The following MMGT1 variants were observed in gnomAD, a reference collection of about 807,000 sequenced individuals.
The protein encoded by MMGT1 is ER membrane protein complex subunit 5.
A neutral mutation model predicts 11.7 loss-of-function variants in MMGT1; 2 were observed. The observed-to-expected ratio is 0.17, with a 90% CI of 0.07 to 0.54. The LOEUF (loss-of-function observed/expected upper bound fraction) is 0.54. Ranked by LOEUF, MMGT1 falls within the 20% of genes least tolerant of loss-of-function variation. The probability of loss-of-function intolerance (pLI) is 0.94; values close to 1 mark genes in which losing one functional copy is unlikely to be tolerated. For synonymous variants in MMGT1, 49 were observed against 44.4 expected, an observed-to-expected ratio of 1.10 and a Z score of -0.41; for missense variants, 74 against 109.0, an observed-to-expected ratio of 0.68 and a Z score of 1.43.
chrX:135,966,263 C>T (rs1055992492), intron 3 of MMGT1, among the ~76,000 whole-genome samples: 2 of 111,904 alleles, frequency 1.8e-5, no homozygotes, highest in Non-Finnish European at 3.8e-5. Flanking sequence ...AAGCATACTC[C>T]CATACAAAAA....
rs201330702 is a variant in MMGT1, at chrX:135,971,136, G to A, written c.80-26C>T. 5 of 1,051,074 alleles carry A rather than the reference G, an allele frequency of 4.8e-6. No homozygotes were observed. The East Asian group carries it at 1.2e-4, about 26-fold the overall frequency. 86.6% of individuals were successfully genotyped at this position (1,051,074 alleles called of 1,213,427 possible). A position where few individuals can be genotyped will look rare whatever the true frequency, so the allele number is the denominator to read the frequency against. ...CTATAAACCAGAAGCATACCATTAA[G>A]GAAACTGTAGTTCATTTTTCTTTCT... On this transcript the variant is annotated intron_variant, in intron 1 of 3. Coordinates refer to ENST00000305963, the MANE Select transcript of MMGT1 (RefSeq NM_173470.3).
chrX:135,965,505 G>A (rs782100702), intron 3 of MMGT1, among the ~76,000 whole-genome samples: 77 of 111,412 alleles, frequency 6.9e-4, no homozygotes, highest in African/African-American at 2.4e-3. Context: ...GGACTCAAGC[G>A]ACCCTCTCAT....
chrX:135,970,995 T>A, intron 2 of MMGT1, 63 bp downstream of exon 2: 2 of 790,695 alleles, frequency 2.5e-6, no homozygotes, highest in Non-Finnish European at 3.7e-6. Flanking sequence ...AAAAAAAAAA[T>A]TATTACAAGC....
rs1370745104 is a variant in MMGT1, at chrX:135,963,963, TAC to T, written c.*1059_*1060del. The stretch of plus-strand genomic sequence containing the variant: ...ATCCTCATCCTCACTTTCAGCAACA[TAC>T]AGTGAAGATGGAAAACTTGAAGACT... On this transcript the variant is annotated 3_prime_UTR_variant, in exon 4 of 4. Transcript: ENST00000305963. 1.8e-5 allele frequency: 2 copies of T among 112,463 alleles called. No homozygotes were observed. The highest frequency in any genetic ancestry group is 3.8e-5 in the Non-Finnish European group (2 of 53,273). The allele number at this position is 112,463 out of a possible 1,213,427, so 9.3% of individuals were successfully genotyped here.
rs2089216360 is a variant in MMGT1, at chrX:135,971,064, T to C, written c.126A>G (p.Pro42=). The change falls in exon 2 of 4, where the codon CCA becomes CCG. Residue 42 remains proline (P), a synonymous_variant. Coordinates refer to ENST00000305963, the MANE Select transcript of MMGT1 (RefSeq NM_173470.3). The part of the protein sequence containing the change: ...RLTEKEDESL[P]IDIVLQTLLA... Reference sequence around the variant, plus strand: ...ATATAAATGACCAACTTACATCTATTGGCAGTGATTCATCTTCTTTTTCTG... The same window carrying C: ...ATATAAATGACCAACTTACATCTATCGGCAGTGATTCATCTTCTTTTTCTG... The C allele has an allele frequency of 8.6e-7, 1 of 1,168,752 alleles. No homozygotes were observed. Among genetic ancestry groups the C allele is most frequent in the Non-Finnish European group, 1.2e-6 (1 of 857,715 alleles).
intron 2 of MMGT1, among the ~76,000 whole-genome samples, chrX:135,968,642 G>A (rs1343404527): frequency 2.8e-5 from 3 of 108,137 alleles, no homozygotes; most frequent in Non-Finnish European, 3.8e-5. Context: ...AGTGATTCTC[G>A]TGCCTCAGCC....
chrX:135,971,162 T>A, intron 1 of MMGT1, 52 bp from the exon 2 acceptor site: 2 of 899,577 alleles, frequency 2.2e-6, no homozygotes, highest in Non-Finnish European at 3.2e-6. Flanking sequence ...TTTTCTTTCT[T>A]AAAATGAAGC....
intron 3 of MMGT1, among the ~76,000 whole-genome samples, chrX:135,966,867 G>A (rs991480905): frequency 8.1e-5 from 9 of 111,700 alleles, no homozygotes; most frequent in African/African-American, 2.9e-4. Context: ...AAAGAAAGCA[G>A]AATAACAAAT....
rs2089178916 is a variant in MMGT1, at chrX:135,965,202, C to G, written c.237-19G>C. On this transcript the variant is annotated intron_variant, in intron 3 of 3. Transcript: ENST00000305963. ...AAATGTCCTTGAAAGAAGAAAAAAG[C>G]ATCAATTTTAGATAAACCTTTATAA... The G allele has an allele frequency of 8.5e-7, 1 of 1,170,171 alleles. No individual in the cohort carries two copies. The highest frequency in any genetic ancestry group is 1.2e-6 in the Non-Finnish European group (1 of 864,100).
intron 1 of MMGT1, 39 bp downstream of exon 1, chrX:135,973,558 G>T (rs1327774240): frequency 4.5e-6 from 5 of 1,102,092 alleles, no homozygotes; most frequent in Non-Finnish European, 6.1e-6. Context: ...CGCCCCTAGG[G>T]TTCCACACCG....
At position 135,965,115 on chromosome X, in the gene MMGT1, C is replaced by T. The variant is rs782403819; in HGVS notation, c.305G>A (p.Arg102Gln). 7.1e-5 allele frequency: 85 copies of T among 1,204,023 alleles called. 2 individuals carry two copies. In the Admixed American group the frequency reaches 1.2e-3, roughly 17 times the overall value. ...VFNHRGRVLF[R>Q]PSDTANSSNQ... Reference sequence around the variant, plus strand: ...TGAAGAATTTGCTGTATCCGAAGGCCGGAAAAGTACTCGACCACGATGATT... The same window carrying T: ...TGAAGAATTTGCTGTATCCGAAGGCTGGAAAAGTACTCGACCACGATGATT... Residue 102 changes from arginine (R) to glutamine (Q), a missense_variant, in exon 4 of 4, where the codon CGG (arginine) becomes CAG (glutamine). Arg to Gln is a conservative substitution (Grantham distance 43, BLOSUM62 1). Around this residue, in one of 2 missense-constraint regions of MMGT1, gnomAD observed 34 missense variants for 29.3 expected, o/e 1.16. Coordinates refer to ENST00000305963, the MANE Select transcript of MMGT1 (RefSeq NM_173470.3).
In MMGT1 at chrX:135,967,418, T is replaced by C. The variant is rs782791839; in HGVS notation, c.208A>G (p.Met70Val). Residue 70 changes from methionine (M) to valine (V), a missense_variant, in exon 3 of 4, where the codon ATG becomes GTG. By Grantham distance (21) the Met-to-Val change is conservative. Coordinates refer to ENST00000305963, the MANE Select transcript of MMGT1 (RefSeq NM_173470.3). ...IVHIAGEFKD[M>V]DATSELKNKT... ...TTTTTCAGTTCTGAAGTGGCATCCA[T>C]GTCTTTAAACTCTCCTGCAATATGA... is the stretch of plus-strand genomic sequence containing the variant. 2.5e-6 allele frequency: 3 copies of C among 1,192,767 alleles called. No individual in the cohort carries two copies. Among genetic ancestry groups the C allele is most frequent in the South Asian group, 3.7e-5 (2 of 54,697 alleles).
At position 135,973,956 on chromosome X, in the gene MMGT1, A is replaced by G; in HGVS notation, c.-281T>C. ...GAGCCCAACGGAGTCATAAACGAAG[A>G]GGCGAAAGCGGGAGCTACGGGGAAG... is the stretch of plus-strand genomic sequence containing the variant. On this transcript the variant is annotated 5_prime_UTR_variant, in exon 1 of 4. Transcript: ENST00000305963. 9.2e-7 allele frequency: 1 copy of G among 1,091,825 alleles called. No individual in the cohort carries two copies. The highest frequency in any genetic ancestry group is 1.2e-6 in the Non-Finnish European group (1 of 827,178). The allele number at this position is 1,091,825 out of a possible 1,213,427, so 90.0% of individuals were successfully genotyped here.
chrX:135,961,463 G>T lies in MMGT1; in HGVS notation c.*3561C>A. ...TTTGGAGAGGAGTATTAGGGTAGGA[G>T]GGAAGGGACCAAGTTTTTATACCTT... On this transcript the variant is annotated 3_prime_UTR_variant, in exon 4 of 4. Coordinates refer to ENST00000305963, the MANE Select transcript of MMGT1 (RefSeq NM_173470.3). 9.0e-6 allele frequency among the ~76,000 whole-genome samples: 1 copy of T among 111,433 alleles called. No individual in the cohort carries two copies. The highest frequency in any genetic ancestry group is 9.6e-5 in the Admixed American group (1 of 10,451).
At chrX:135,971,397 G>A (rs2089218161) in intron 1 of MMGT1, among the ~76,000 whole-genome samples, 1 of 112,346 alleles carries the variant, frequency 8.9e-6, no homozygotes, top group Non-Finnish European at 1.9e-5. Flanking sequence ...AAGGTAGTCA[G>A]CTCTATCTTA....
Position 135,973,815 on chromosome X carries a change from C to G in MMGT1, c.-140G>C, listed in dbSNP as rs1556612911. ...GCAAAGTGTCTCAGTGGTGGAAAAG[C>G]CAGAGGGCTGTGAGAAAACGGAAAC... On this transcript the variant is annotated 5_prime_UTR_variant, in exon 1 of 4. Coordinates refer to ENST00000305963, the MANE Select transcript of MMGT1 (RefSeq NM_173470.3). 1 of 1,163,850 alleles carries G rather than the reference C, an allele frequency of 8.6e-7. No homozygotes were observed. The highest frequency in any genetic ancestry group is 1.1e-6 in the Non-Finnish European group (1 of 871,885).
rs1556612542 is a variant in MMGT1, at chrX:135,970,994, A to G, written c.132+64T>C. On this transcript the variant is annotated intron_variant, in intron 2 of 3. Coordinates refer to ENST00000305963, the MANE Select transcript of MMGT1 (RefSeq NM_173470.3). ...TTTACGAAAAACCAGTAAAAAAAAA[A>G]TTATTACAAGCTATGTGGCTGATTT... The G allele has an allele frequency of 1.3e-5, 10 of 798,518 alleles. No individual in the cohort carries two copies. In the Admixed American group the frequency reaches 2.9e-4, roughly 23 times the overall value. The allele number at this position is 798,518 out of a possible 1,213,427, so 65.8% of individuals were successfully genotyped here.
At chrX:135,971,037 G>C in intron 2 of MMGT1, 21 bp downstream of exon 2, 4 of 1,084,186 alleles carry the variant, frequency 3.7e-6, no homozygotes, top group Non-Finnish European at 3.8e-6. Flanking sequence ...ACATGTAACG[G>C]AATATAAATG....
intron 2 of MMGT1, among the ~76,000 whole-genome samples, chrX:135,969,762 C>T (rs191675574): frequency 7.1e-5 from 8 of 112,305 alleles, no homozygotes; most frequent in Non-Finnish European, 1.3e-4. Context: ...TACATATATA[C>T]ACATGTATAA....
Sources: gnomAD v4.1 joint callset for allele counts (sites outside exome capture counted in the v4.1 genomes callset) on GRCh38, gnomAD v4.1.1 for gene constraint, gnomAD v4.1.1 regional missense constraint, MANE v1.5 for transcripts, NCBI Gene and HGNC (gene_info 2026-07-23, HGNC 2026-07-21) for gene names.